The following PTPRG variants were observed in gnomAD, a reference collection of about 807,000 sequenced individuals.
PTPRG encodes the protein protein tyrosine phosphatase receptor type G.
A neutral mutation model predicts 165.3 loss-of-function variants in PTPRG; 102 were observed. The observed-to-expected ratio is 0.62, with a 90% CI of 0.53 to 0.73. PTPRG has a LOEUF of 0.73. Among genes scored for constraint, PTPRG ranks in the 30% least tolerant of loss-of-function variants. PTPRG has a pLI of 0.00. For missense variants in PTPRG, 1,866 were observed against 1,861.4 expected, an observed-to-expected ratio of 1.00 and a Z score of -0.05; for synonymous variants, 675 against 669.5, an observed-to-expected ratio of 1.01 and a Z score of -0.13.
At chr3:62,135,918 T>G (rs1264218087) in intron 6 of PTPRG, among the ~76,000 whole-genome samples, 1 of 152,142 alleles carries the variant, frequency 6.6e-6, no homozygotes, top group Non-Finnish European at 1.5e-5. Flanking sequence ...CAGCTCTTGT[T>G]CCCCACCATG....
chr3:62,017,454 C>G (rs138398951), intron 4 of PTPRG, among the ~76,000 whole-genome samples: 1 of 150,390 alleles, frequency 6.6e-6, no homozygotes, highest in East Asian at 2.0e-4. Flanking sequence ...CTCGCTCTTT[C>G]GCCCAGGCTG....
At chr3:61,749,045 A>C (rs773184984) in intron 2 of PTPRG, 63 bp downstream of exon 2, 50 of 1,303,066 alleles carry the variant, frequency 3.8e-5, no homozygotes, top group Non-Finnish European at 5.4e-5. Flanking sequence ...AACTCACTTG[A>C]AAGCACACTT....
chr3:61,892,858 G>C (rs1364948550), intron 2 of PTPRG, among the ~76,000 whole-genome samples: 2 of 151,154 alleles, frequency 1.3e-5, no homozygotes, highest in Non-Finnish European at 2.9e-5. Context: ...ATTGATTATT[G>C]ATATGTATGT....
chr3:61,641,411 G>A (rs759554228), intron 1 of PTPRG, among the ~76,000 whole-genome samples: 14 of 152,234 alleles, frequency 9.2e-5, no homozygotes, highest in Non-Finnish European at 1.5e-4. Context: ...TGCAGGAATA[G>A]TGAGTAGTTT....
At chr3:62,044,694 A>G (rs923577510) in intron 4 of PTPRG, among the ~76,000 whole-genome samples, 3 of 152,284 alleles carry the variant, frequency 2.0e-5, no homozygotes, top group African/African-American at 4.8e-5. Flanking sequence ...AATCAATAAC[A>G]TATTGTGCAG....
At chr3:62,110,766 G>T (rs1239432309) in intron 5 of PTPRG, among the ~76,000 whole-genome samples, 5 of 152,138 alleles carry the variant, frequency 3.3e-5, no homozygotes, top group African/African-American at 1.2e-4. Context: ...CTTTTCAATT[G>T]TTTCCCACTT....
At chr3:61,700,503 G>A (rs942497260) in intron 1 of PTPRG, among the ~76,000 whole-genome samples, 9 of 152,056 alleles carry the variant, frequency 5.9e-5, no homozygotes, top group Non-Finnish European at 1.0e-4. Context: ...TAACTAAATT[G>A]GGCTCAGTGA....
At chr3:62,280,256 G>C (rs1254740890) in intron 26 of PTPRG, among the ~76,000 whole-genome samples, 1 of 151,896 alleles carries the variant, frequency 6.6e-6, no homozygotes, top group Admixed American at 6.6e-5. Context: ...TATTAGCAGA[G>C]TGATTTTAGA....
chr3:61,863,471 T>G (rs751644499), intron 2 of PTPRG, among the ~76,000 whole-genome samples: 1 of 152,244 alleles, frequency 6.6e-6, no homozygotes, highest in African/African-American at 2.4e-5. Flanking sequence ...AATTAGAATG[T>G]GTGCGTAGCT....
chr3:61,809,571 T>C (rs940102267), intron 2 of PTPRG, among the ~76,000 whole-genome samples: 4 of 152,122 alleles, frequency 2.6e-5, no homozygotes, highest in African/African-American at 9.7e-5. Flanking sequence ...CCTGTTAATT[T>C]CTGTAAAATA....
At chr3:61,791,454 G>C (rs1223217724) in intron 2 of PTPRG, among the ~76,000 whole-genome samples, 4 of 152,154 alleles carry the variant, frequency 2.6e-5, no homozygotes, top group Admixed American at 2.6e-4. Flanking sequence ...GTACGTATTT[G>C]TAACTGTTTC....
intron 1 of PTPRG, among the ~76,000 whole-genome samples, chr3:61,688,609 A>C (rs1423101551): frequency 6.6e-6 from 1 of 152,208 alleles, no homozygotes; most frequent in Non-Finnish European, 1.5e-5. Context: ...AGCAGGATGC[A>C]GGCAAGTCAG....
At chr3:62,057,782 A>C (rs2106677112) in intron 4 of PTPRG, among the ~76,000 whole-genome samples, 1 of 152,264 alleles carries the variant, frequency 6.6e-6, no homozygotes, top group Non-Finnish European at 1.5e-5. Context: ...AAGAACTCCA[A>C]ATGGGTCCTA....
At chr3:61,878,495 T>C (rs1447924529) in intron 2 of PTPRG, among the ~76,000 whole-genome samples, 1 of 152,160 alleles carries the variant, frequency 6.6e-6, no homozygotes, top group East Asian at 1.9e-4. Context: ...TTGGTTTGTT[T>C]TTGTTTTTCA....
intron 4 of PTPRG, among the ~76,000 whole-genome samples, chr3:62,012,294 T>A (rs1369756620): frequency 6.6e-6 from 1 of 152,166 alleles, no homozygotes; most frequent in Non-Finnish European, 1.5e-5. Context: ...ACCTTAACCA[T>A]AATTGGTTTT....
intron 2 of PTPRG, among the ~76,000 whole-genome samples, chr3:61,897,878 ATGGACTTTTCAGGTT>A (rs2038398563): frequency 6.6e-6 from 1 of 152,098 alleles, no homozygotes; most frequent in Admixed American, 6.5e-5. Flanking sequence ...TAGAAATGTG[ATGGACTTTTCAGGTT>A]GATCTTTTAT....
intron 1 of PTPRG, among the ~76,000 whole-genome samples, chr3:61,719,712 A>G (rs1296199082): frequency 6.6e-6 from 1 of 152,120 alleles, no homozygotes; most frequent in Non-Finnish European, 1.5e-5. Context: ...AATTGAGGCC[A>G]TGTGTGGTTG....
intron 2 of PTPRG, among the ~76,000 whole-genome samples, chr3:61,773,607 A>C (rs913367331): frequency 6.6e-6 from 1 of 152,138 alleles, no homozygotes; most frequent in East Asian, 1.9e-4. Context: ...CTAAGAGGAG[A>C]GTATGATTAC....
chr3:61,884,416 T>C (rs997642412), intron 2 of PTPRG, among the ~76,000 whole-genome samples: 3 of 152,182 alleles, frequency 2.0e-5, no homozygotes, highest in African/African-American at 4.8e-5. Flanking sequence ...GCAAAAGTTA[T>C]ATAAACAAAC....
Sources: allele counts gnomAD v4.1 joint callset (sites outside exome capture counted in the v4.1 genomes callset), GRCh38; gene constraint gnomAD v4.1.1; transcripts MANE v1.5; gene names NCBI Gene and HGNC (gene_info 2026-07-23, HGNC 2026-07-21).